The following ANO3 variants were observed in gnomAD, a reference collection of about 807,000 sequenced individuals.
ANO3 encodes anoctamin-3.
In ANO3, 99 loss-of-function variants were observed where a neutral mutation model predicts 144.8. The observed-to-expected ratio is 0.68, with a 90% CI of 0.58 to 0.81. The LOEUF is 0.81. Among genes scored for constraint, ANO3 ranks in the 30% least tolerant of loss-of-function variants. The probability of loss-of-function intolerance (pLI) is 0.00; values close to 1 mark genes in which losing one functional copy is unlikely to be tolerated. For missense variants in ANO3, 905 were observed against 1,202.2 expected, an observed-to-expected ratio of 0.75 and a Z score of 3.66; for synonymous variants, 414 against 392.6, an observed-to-expected ratio of 1.05 and a Z score of -0.64.
intron 3 of ANO3, among the ~76,000 whole-genome samples, chr11:26,454,785 G>C (rs1859087083): frequency 6.6e-6 from 1 of 152,046 alleles, no homozygotes; most frequent in African/African-American, 2.4e-5. Flanking sequence ...GAGAATTTTA[G>C]ACCAATATCC....
chr11:26,500,377 A>G (rs1861144751), intron 4 of ANO3, among the ~76,000 whole-genome samples: 1 of 152,086 alleles, frequency 6.6e-6, no homozygotes, highest in Non-Finnish European at 1.5e-5. Flanking sequence ...AGAAATTGCC[A>G]AACTGTTTTC....
At chr11:26,642,754 T>G (rs1853208995) in intron 22 of ANO3, among the ~76,000 whole-genome samples, 1 of 152,156 alleles carries the variant, frequency 6.6e-6, no homozygotes, top group Middle Eastern at 3.2e-3. Context: ...GAATCTTAAC[T>G]TCTGAATCTT....
intron 1 of ANO3, among the ~76,000 whole-genome samples, chr11:26,324,590 C>A (rs923518311): frequency 1.3e-5 from 2 of 152,176 alleles, no homozygotes; most frequent in Non-Finnish European, 2.9e-5. Flanking sequence ...AGGCAACAAC[C>A]AAAATCTGTA....
chr11:26,420,056 T>G (rs752713694), intron 1 of ANO3, among the ~76,000 whole-genome samples: 12 of 152,074 alleles, frequency 7.9e-5, no homozygotes, highest in Non-Finnish European at 7.4e-5. Flanking sequence ...TGTATTAAAA[T>G]TTTTAGAGAG....
At chr11:26,415,040 A>G (rs993781441) in intron 1 of ANO3, among the ~76,000 whole-genome samples, 12 of 144,228 alleles carry the variant, frequency 8.3e-5, no homozygotes, top group African/African-American at 2.1e-4. Flanking sequence ...AGATTGTATA[A>G]AAGTTATTGG....
chr11:26,536,679 A>T (rs1849517857), intron 9 of ANO3, among the ~76,000 whole-genome samples: 1 of 152,168 alleles, frequency 6.6e-6, no homozygotes, highest in Non-Finnish European at 1.5e-5. Flanking sequence ...AAACATTATT[A>T]TAAATAGCTG....
At chr11:26,642,230 A>C (rs552073089) in intron 22 of ANO3, among the ~76,000 whole-genome samples, 1 of 152,106 alleles carries the variant, frequency 6.6e-6, no homozygotes, top group Non-Finnish European at 1.5e-5. Context: ...AGAGTCATGC[A>C]TTGACCAAAA....
chr11:26,553,350 G>GT lies in ANO3; in HGVS notation c.1386+6dup, dbSNP rs1278722556. ...GACAGCTGTATCTATGCCAAGGTGA[G>GT]TGTGGACCCTCACATTCTCCTCCCT... On this transcript the variant is annotated splice_donor_region_variant and intron_variant, in intron 13 of 26. Coordinates refer to ENST00000256737, the MANE Select transcript of ANO3 (RefSeq NM_031418.4). 1.9e-6 allele frequency: 3 copies of GT among 1,600,840 alleles called. No homozygotes were observed. Among genetic ancestry groups the GT allele is most frequent in the Middle Eastern group, 1.7e-4 (1 of 6,022 alleles).
In ANO3 at chr11:26,662,609, A is replaced by C. The variant is rs1436930385; in HGVS notation, c.*2165A>C. 1 of 152,084 alleles carries C rather than the reference A, an allele frequency of 6.6e-6. No individual in the cohort carries two copies. The highest frequency in any genetic ancestry group is 1.5e-5 in the Non-Finnish European group (1 of 67,978). The allele number at this position is 152,084 out of a possible 1,614,324, so 9.4% of individuals were successfully genotyped here. ...TTATATAGTCCCGTTAGGGTTTAAAACCATATTGATCAACTAGAAAGAAAA... is the reference window on the plus strand; with the variant it reads ...TTATATAGTCCCGTTAGGGTTTAAACCCATATTGATCAACTAGAAAGAAAA... On this transcript the variant is annotated 3_prime_UTR_variant, in exon 27 of 27. Transcript: ENST00000256737.
chr11:26,544,273 T>TATATATATACAC lies in ANO3; in HGVS notation c.1154+2206_1154+2207insTATATATACACA. 8.4e-4 allele frequency among the ~76,000 whole-genome samples: 49 copies of TATATATATACAC among 58,532 alleles called. 3 individuals are homozygous for TATATATATACAC. Among genetic ancestry groups the TATATATATACAC allele is most frequent in the Non-Finnish European group, 1.7e-3 (47 of 27,974 alleles). The allele number at this position is 58,532 out of a possible 152,430, so 38.4% of individuals were successfully genotyped here. On this transcript the variant is annotated intron_variant, in intron 11 of 26. Transcript: ENST00000256737. The stretch of plus-strand genomic sequence containing the variant: ...ATACATATATATATATATATATATA[T>TATATATATACAC]ACACACATACACACACACACACACA...
chr11:26,385,655 G>C (rs942246800), intron 1 of ANO3, among the ~76,000 whole-genome samples: 1 of 151,966 alleles, frequency 6.6e-6, no homozygotes, highest in African/African-American at 2.4e-5. Context: ...GGACCCCTGT[G>C]ATTACACTGG....
At chr11:26,273,932 A>G (rs1853503660) in intron 1 of ANO3, among the ~76,000 whole-genome samples, 1 of 152,184 alleles carries the variant, frequency 6.6e-6, no homozygotes, top group Non-Finnish European at 1.5e-5. Context: ...GTTGAGCTTC[A>G]CATAAGCTGT....
intron 1 of ANO3, among the ~76,000 whole-genome samples, chr11:26,243,365 A>G (rs1194103826): frequency 1.3e-5 from 2 of 151,126 alleles, no homozygotes; most frequent in Non-Finnish European, 2.9e-5. Flanking sequence ...GACTTCCCAG[A>G]TTATATGTTC....
chr11:26,511,732 G>A (rs1590439068), intron 5 of ANO3, among the ~76,000 whole-genome samples: 1 of 152,220 alleles, frequency 6.6e-6, no homozygotes, highest in East Asian at 1.9e-4. Flanking sequence ...TTTGAAAAAT[G>A]AATAGTAGCT....
chr11:26,193,065 G>T (rs1851508715), intron 1 of ANO3, among the ~76,000 whole-genome samples: 1 of 151,006 alleles, frequency 6.6e-6, no homozygotes, highest in Non-Finnish European at 1.5e-5. Context: ...TTGTCCTAAT[G>T]CTCTCCCTGC....
intron 1 of ANO3, among the ~76,000 whole-genome samples, chr11:26,251,573 A>C (rs1475190742): frequency 1.3e-5 from 2 of 152,220 alleles, no homozygotes; most frequent in Non-Finnish European, 2.9e-5. Context: ...AAAAGGCAGC[A>C]AAGGATCATA....
intron 1 of ANO3, among the ~76,000 whole-genome samples, chr11:26,313,091 G>A (rs1231678779): frequency 1.3e-5 from 2 of 152,132 alleles, no homozygotes; most frequent in Non-Finnish European, 1.5e-5. Flanking sequence ...CTTTGCACAA[G>A]TCATTTTATT....
rs1006500180 is a variant in ANO3 at position 26,421,244 on chromosome 11, A to G, written c.47-20674A>G. 2.0e-5 allele frequency among the ~76,000 whole-genome samples: 3 copies of G among 152,092 alleles called. No homozygotes were observed. The East Asian group carries it at 5.8e-4, about 29-fold the overall frequency. ...ATTTTTATCACTAGCAATAATGTCC[A>G]CTAAAATGGCTACATAGCTCAAGTA... is the stretch of plus-strand genomic sequence containing the variant. On this transcript the variant is annotated intron_variant, in intron 1 of 26. Transcript: ENST00000256737.
intron 10 of ANO3, among the ~76,000 whole-genome samples, chr11:26,538,406 G>T (rs1156449658): frequency 1.3e-5 from 2 of 152,182 alleles, no homozygotes; most frequent in African/African-American, 4.8e-5. Context: ...TGTATTTAAT[G>T]TACCAGGCCT....
Sources: gnomAD v4.1 joint callset for allele counts (sites outside exome capture counted in the v4.1 genomes callset) on GRCh38, gnomAD v4.1.1 for gene constraint, MANE v1.5 for transcripts, NCBI Gene and HGNC (gene_info 2026-07-23, HGNC 2026-07-21) for gene names.